TNXB: variants seen among roughly 807,000 people sequenced by gnomAD.
TNXB encodes the protein tenascin XB, also known as tenascin-X.
In TNXB, 183 loss-of-function variants were observed where a neutral mutation model predicts 340.5. The ratio of observed to expected loss-of-function variants is 0.54; its 90% confidence interval spans 0.48 to 0.61. The LOEUF (loss-of-function observed/expected upper bound fraction) is 0.61. TNXB is among the 20% of genes least tolerant of loss of function. TNXB has a pLI of 0.00. For missense variants in TNXB, 4,613 were observed against 5,446.4 expected, an observed-to-expected ratio of 0.85 and a Z score of 4.82; for synonymous variants, 2,121 against 2,314.5, an observed-to-expected ratio of 0.92 and a Z score of 2.40.
intron 21 of TNXB, among the ~76,000 whole-genome samples, chr6:32,060,348 G>A (rs1217201931): frequency 6.6e-6 from 1 of 151,356 alleles, no homozygotes; most frequent in Non-Finnish European, 1.5e-5. Context: ...AAAAAAAGAA[G>A]GAAATAAATG....
rs534365954 is a variant in TNXB, at chr6:32,083,537, T to C, written c.3445+876A>G. Reference sequence around the variant, plus strand: ...TTCCCCACCTCTGCTGCTCCCTGCCTCAGGGAATGGGACTGTCTCATCCAG... The same window carrying C: ...TTCCCCACCTCTGCTGCTCCCTGCCCCAGGGAATGGGACTGTCTCATCCAG... On this transcript the variant is annotated intron_variant, in intron 8 of 43. Transcript: ENST00000644971. This position sits in a 1 kb window ranked among gnomAD's most constrained non-coding sequence, Gnocchi z 4.6. Among the ~76,000 whole-genome samples, 1 of 152,316 alleles carries C rather than the reference T, an allele frequency of 6.6e-6. No individual in the cohort carries two copies. The highest frequency in any genetic ancestry group is 1.5e-5 in the Non-Finnish European group (1 of 68,028).
At position 32,049,877 on chromosome 6, in the gene TNXB, C is replaced by T. The variant is rs1049165087; in HGVS notation, c.9439+121G>A. 12 of 1,487,206 alleles carry T rather than the reference C, an allele frequency of 8.1e-6. No homozygotes were observed. In the South Asian group the frequency reaches 1.4e-4, roughly 17 times the overall value. 92.1% of individuals were successfully genotyped at this position (1,487,206 alleles called of 1,614,324 possible). On this transcript the variant is annotated intron_variant, in intron 27 of 43. Coordinates refer to ENST00000644971, the MANE Select transcript of TNXB (RefSeq NM_001365276.2). This position sits in a 1 kb window ranked among gnomAD's most constrained non-coding sequence, Gnocchi z 4.5. ...GAAGGCCCAAGGGGAGTCCCAGCCC[C>T]AGCCACAAGCAGTTCTGTGGTGCTG...
chr6:32,057,160 C>T (rs1320821765), intron 22 of TNXB, among the ~76,000 whole-genome samples: 1 of 151,902 alleles, frequency 6.6e-6, no homozygotes, highest in African/African-American at 2.4e-5. Context: ...CACCGCCTCT[C>T]TTTTGAGCAC....
chr6:32,091,927 G>A (rs1438481245), intron 4 of TNXB, among the ~76,000 whole-genome samples: 1 of 152,202 alleles, frequency 6.6e-6, no homozygotes, highest in Non-Finnish European at 1.5e-5. Context: ...CTCTGAGGCT[G>A]TGAGGTTTTG....
chr6:32,100,796 A>C (rs981210601), intron 1 of TNXB, among the ~76,000 whole-genome samples: 1 of 152,096 alleles, frequency 6.6e-6, no homozygotes, highest in African/African-American at 2.4e-5. Flanking sequence ...GAGAATAAGA[A>C]GGCAGCTGGG....
rs752531006 is a variant in TNXB at position 32,069,104 on chromosome 6, C to A, written c.5620G>T (p.Ala1874Ser). Reference sequence around the variant, plus strand: ...GGCTCAGGCGCTGGAGGGGTCGGGGCCGTGGTCTCAGTTTCCGTTTCTTCC... The same window carrying A: ...GGCTCAGGCGCTGGAGGGGTCGGGGACGTGGTCTCAGTTTCCGTTTCTTCC... ...GREETETETT[A>S]PTPPAPEPHL... Residue 1874 changes from alanine (A) to serine (S), a missense_variant, in exon 16 of 44, where the codon GCC becomes TCC. Ala to Ser is a moderately conservative substitution (Grantham distance 99). Transcript: ENST00000644971. This position sits in a 1 kb window ranked among gnomAD's most constrained non-coding sequence, Gnocchi z 6.2. 6.2e-7 allele frequency: 1 copy of A among 1,610,964 alleles called. No homozygotes were observed. The highest frequency in any genetic ancestry group is 1.1e-5 in the South Asian group (1 of 90,938).
rs1464651206 is a variant in TNXB at position 32,068,801 on chromosome 6, C to A, written c.5902+21G>T. 2.5e-6 allele frequency: 4 copies of A among 1,594,902 alleles called. No homozygotes were observed. Among genetic ancestry groups the A allele is most frequent in the Non-Finnish European group, 3.4e-6 (4 of 1,168,338 alleles). ...ACTCTCCCAGCCATCTGAAAGGAGG[C>A]ATAGTGGGCAGAGTTCTCACCTGTC... On this transcript the variant is annotated intron_variant, in intron 16 of 43. Coordinates refer to ENST00000644971, the MANE Select transcript of TNXB (RefSeq NM_001365276.2). The surrounding 1 kb of genome is among the most constrained non-coding windows in gnomAD (Gnocchi z 5.3).
chr6:32,058,404 T>G lies in TNXB; in HGVS notation c.7493-14A>C. 6.3e-7 allele frequency: 1 copy of G among 1,579,932 alleles called. No individual in the cohort carries two copies. The highest frequency in any genetic ancestry group is 8.6e-7 in the Non-Finnish European group (1 of 1,162,760). The stretch of plus-strand genomic sequence containing the variant: ...CCTCTTGTGGGGCTGAAAGGTAATA[T>G]AGGGGGATACAGAGTTTAAGGGTTT... On this transcript the variant is annotated splice_polypyrimidine_tract_variant and intron_variant, in intron 21 of 43. Coordinates refer to ENST00000644971, the MANE Select transcript of TNXB (RefSeq NM_001365276.2). The surrounding 1 kb of genome is among the most constrained non-coding windows in gnomAD (Gnocchi z 5.1).
At chr6:32,066,186 G>C (rs1778325270) in intron 18 of TNXB, among the ~76,000 whole-genome samples, 1 of 152,124 alleles carries the variant, frequency 6.6e-6, no homozygotes, top group Non-Finnish European at 1.5e-5. Flanking sequence ...GAAGCCAGGA[G>C]TTTGATATCA....
chr6:32,043,101 G>C lies in TNXB; in HGVS notation c.11795-20C>G, dbSNP rs1379944715. 1 of 184,544 alleles carries C rather than the reference G, an allele frequency of 5.4e-6. No individual in the cohort carries two copies. Among genetic ancestry groups the C allele is most frequent in the Non-Finnish European group, 9.4e-6 (1 of 106,464 alleles). The allele number at this position is 184,544 out of a possible 1,614,324, so 11.4% of individuals were successfully genotyped here. On this transcript the variant is annotated intron_variant, in intron 37 of 43. Coordinates refer to ENST00000644971, the MANE Select transcript of TNXB (RefSeq NM_001365276.2). Reference sequence around the variant, plus strand: ...CTAGCCCTAGGAGGGAAAGCAGGAAGAGGAGATGGGGATGAGGCCCAACCT... The same window carrying C: ...CTAGCCCTAGGAGGGAAAGCAGGAACAGGAGATGGGGATGAGGCCCAACCT...
chr6:32,074,767 G>A lies in TNXB; in HGVS notation c.4376-815C>T, dbSNP rs952523763. 6.6e-6 allele frequency among the ~76,000 whole-genome samples: 1 copy of A among 151,998 alleles called. No homozygotes were observed. Among genetic ancestry groups the A allele is most frequent in the Non-Finnish European group, 1.5e-5 (1 of 67,998 alleles). On this transcript the variant is annotated intron_variant, in intron 11 of 43. Coordinates refer to ENST00000644971, the MANE Select transcript of TNXB (RefSeq NM_001365276.2). This position sits in a 1 kb window ranked among gnomAD's most constrained non-coding sequence, Gnocchi z 5.5. ...GCCCTCTCGGCTCACCGCAACCTAC[G>A]CCTCCTGGGTTCAAGCGATTCTCCT...
In TNXB at chr6:32,068,399, C is replaced by T. The variant is rs200319996; in HGVS notation, c.6211G>A (p.Gly2071Arg). 406 of 1,613,306 alleles carry T rather than the reference C, an allele frequency of 2.5e-4. No individual in the cohort carries two copies. The highest frequency in any genetic ancestry group is 3.3e-4 in the Non-Finnish European group (385 of 1,179,554). ...GQRMGPVSVV[G>R]VTAAEEETPS... ...CCCATCATCCACTCACCTGTCACCC[C>T]GACGACAGACACAGGGCCCATGCGC... is the stretch of plus-strand genomic sequence containing the variant. The change falls in exon 17 of 44, where the codon GGG (glycine) becomes AGG (arginine). Residue 2071 changes from glycine (G) to arginine (R), a missense_variant. By Grantham distance (125) the Gly-to-Arg change is moderately radical (BLOSUM62 -2). Around this residue, in one of 7 missense-constraint regions of TNXB, gnomAD observed 4,327 missense variants for 4,859.4 expected, o/e 0.89. Coordinates refer to ENST00000644971, the MANE Select transcript of TNXB (RefSeq NM_001365276.2). The surrounding 1 kb of genome is among the most constrained non-coding windows in gnomAD (Gnocchi z 5.3).
chr6:32,052,658 A>C lies in TNXB; in HGVS notation c.9115+12T>G, dbSNP rs777601325. ...CCATCTTCCCCACCTCGCCTCACTC[A>C]CACTTACTCACCTGTCACACCCACA... is the stretch of plus-strand genomic sequence containing the variant. On this transcript the variant is annotated intron_variant, in intron 26 of 43. Transcript: ENST00000644971. This position sits in a 1 kb window ranked among gnomAD's most constrained non-coding sequence, Gnocchi z 4.7. 6.2e-7 allele frequency: 1 copy of C among 1,609,008 alleles called. No homozygotes were observed. The highest frequency in any genetic ancestry group is 1.7e-5 in the Admixed American group (1 of 59,904).
chr6:32,078,059 GAGACAGAAAGAA>G (rs1779181857), intron 11 of TNXB, among the ~76,000 whole-genome samples: 2 of 133,948 alleles, frequency 1.5e-5, no homozygotes, highest in Non-Finnish European at 3.2e-5. Context: ...GAGAGAGAGA[GAGACAGAAAGAA>G]AGAGAAAGAA....
chr6:32,093,242 T>C (rs752635666), intron 4 of TNXB: 15 of 643,934 alleles, frequency 2.3e-5, no homozygotes, highest in Admixed American at 2.1e-4. Context: ...ATGTTAGCAG[T>C]GCTTGTTTTA....
chr6:32,072,604 C>G lies in TNXB; in HGVS notation c.4682-306G>C, dbSNP rs1778842243. ...TAAATTTTGTAGTTTAGTAAACGCG[C>G]CACCAAGTCCTGTTATTTAATGAAC... On this transcript the variant is annotated intron_variant, in intron 12 of 43. Transcript: ENST00000644971. This position sits in a 1 kb window ranked among gnomAD's most constrained non-coding sequence, Gnocchi z 4.4. Among the ~76,000 whole-genome samples, 1 of 152,198 alleles carries G rather than the reference C, an allele frequency of 6.6e-6. No homozygotes were observed. Among genetic ancestry groups the G allele is most frequent in the Non-Finnish European group, 1.5e-5 (1 of 68,036 alleles).
At chr6:32,103,024 T>C (rs926320657) in intron 1 of TNXB, among the ~76,000 whole-genome samples, 1 of 152,206 alleles carries the variant, frequency 6.6e-6, no homozygotes, top group African/African-American at 2.4e-5. Context: ...GAGTCATATT[T>C]CTGGAAATAT....
At chr6:32,106,171 C>CT (rs1011670428) in intron 1 of TNXB, among the ~76,000 whole-genome samples, 5 of 150,514 alleles carry the variant, frequency 3.3e-5, no homozygotes, top group Non-Finnish European at 7.4e-5. Flanking sequence ...TGTCTTGTTT[C>CT]TTGATCTGGA....
At chr6:32,107,841 G>T (rs1198161943) in intron 1 of TNXB, among the ~76,000 whole-genome samples, 1 of 152,110 alleles carries the variant, frequency 6.6e-6, no homozygotes, top group Non-Finnish European at 1.5e-5. Flanking sequence ...ATCTGGCAAT[G>T]AGAGGTGAAG....
Sources: allele counts gnomAD v4.1 joint callset (sites outside exome capture counted in the v4.1 genomes callset), GRCh38; gene constraint gnomAD v4.1.1; regional missense constraint gnomAD v4.1.1; non-coding constraint Gnocchi (gnomAD v3.1); transcripts MANE v1.5; gene names NCBI Gene and HGNC (gene_info 2026-07-23, HGNC 2026-07-21).